Variants in DCC observed in about 807,000 individuals in gnomAD.
DCC encodes the protein DCC netrin 1 receptor.
Under a neutral mutation model 172.5 loss-of-function variants are expected in DCC, and 58 were observed. The ratio of observed to expected loss-of-function variants is 0.34; its 90% CI spans 0.27 to 0.42. The LOEUF (loss-of-function observed/expected upper bound fraction) is 0.42, where lower values mean the gene tolerates loss of function less well. DCC is among the 10% of genes least tolerant of loss of function. DCC has a pLI of 1.00. For missense variants in DCC, 1,740 were observed against 1,791.0 expected (o/e 0.97, Z 0.51); for synonymous variants, 709 against 644.5 (o/e 1.10, Z -1.52).
At chr18:52,938,545 T>C (rs1028179399) in intron 5 of DCC, among the ~76,000 whole-genome samples, 3 of 152,134 alleles carry the variant, frequency 2.0e-5, no homozygotes, top group African/African-American at 7.2e-5. Context: ...TCATTATTTA[T>C]ACCTTGCCAA....
chr18:52,709,558 G>A (rs1266457381), intron 1 of DCC, among the ~76,000 whole-genome samples: 1 of 152,142 alleles, frequency 6.6e-6, no homozygotes, highest in African/African-American at 2.4e-5. Context: ...GCTGGCCTGT[G>A]TGCTCTTCTT....
Position 52,938,983 on chromosome 18 carries a change from A to C in DCC, c.985+13613A>C, listed in dbSNP as rs1267717494. Among the ~76,000 whole-genome samples the C allele has an allele frequency of 5.3e-5, 8 of 152,110 alleles. 1 individual carries two copies. The East Asian group carries it at 1.4e-3, about 26-fold the overall frequency. On this transcript the variant is annotated intron_variant, in intron 5 of 28. Coordinates refer to ENST00000442544, the MANE Select transcript of DCC (RefSeq NM_005215.4). ...CATTTTCATCCAGTATGATCTTGTG[A>C]AGAGGTTAATCATGGGATGCACCTT...
chr18:53,116,306 T>C (rs1470409839), intron 7 of DCC, among the ~76,000 whole-genome samples: 2 of 151,690 alleles, frequency 1.3e-5, no homozygotes, highest in Non-Finnish European at 3.0e-5. Flanking sequence ...TTTTTGGGAG[T>C]TTAAATACCC....
At chr18:53,206,638 C>CAT (rs1467758070) in intron 10 of DCC, among the ~76,000 whole-genome samples, 1 of 132,378 alleles carries the variant, frequency 7.6e-6, no homozygotes, top group Non-Finnish European at 1.6e-5. Context: ...TATATGTATA[C>CAT]ATATATATAA....
At position 53,298,031 on chromosome 18, in the gene DCC, G is replaced by A. The variant is rs144390672; in HGVS notation, c.1912-7547G>A. ...GATTATATTAATTAATTGCTGCTTG[G>A]CATCGATATTAAGGTATTGGCTATG... On this transcript the variant is annotated intron_variant, in intron 12 of 28. Coordinates refer to ENST00000442544, the MANE Select transcript of DCC (RefSeq NM_005215.4). 5.4e-3 allele frequency among the ~76,000 whole-genome samples: 828 copies of A among 152,228 alleles called. 6 individuals carry two copies. Among genetic ancestry groups the A allele is most frequent in the Admixed American group, 0.023 (349 of 15,292 alleles).
At chr18:53,149,610 TAAAG>T (rs1376336166) in intron 7 of DCC, among the ~76,000 whole-genome samples, 3 of 152,180 alleles carry the variant, frequency 2.0e-5, no homozygotes, top group Non-Finnish European at 2.9e-5. Context: ...AACTTGGAAA[TAAAG>T]AAATTATTAA....
Position 53,535,354 on chromosome 18 carries a change from G to A in DCC, c.*4701G>A, listed in dbSNP as rs1598861201. The A allele has an allele frequency of 6.6e-6, 1 of 152,166 alleles. No homozygotes were observed. The highest frequency in any genetic ancestry group is 1.5e-5 in the Non-Finnish European group (1 of 68,026). The allele number at this position is 152,166 out of a possible 1,614,324, so 9.4% of individuals were successfully genotyped here. Reference sequence around the variant, plus strand: ...ATTGCTGAGTATGAAGAGATGTCCAGTCCAGGCAAAGCCTTCACTGAAGTT... The same window carrying A: ...ATTGCTGAGTATGAAGAGATGTCCAATCCAGGCAAAGCCTTCACTGAAGTT... On this transcript the variant is annotated 3_prime_UTR_variant, in exon 29 of 29. Coordinates refer to ENST00000442544, the MANE Select transcript of DCC (RefSeq NM_005215.4).
intron 7 of DCC, among the ~76,000 whole-genome samples, chr18:53,148,135 G>A (rs933501613): frequency 5.3e-5 from 8 of 152,138 alleles, no homozygotes; most frequent in African/African-American, 1.9e-4. Context: ...TACTTTAGTA[G>A]TGTCTCATAA....
At chr18:53,254,976 C>G (rs533988561) in intron 12 of DCC, among the ~76,000 whole-genome samples, 2 of 152,108 alleles carry the variant, frequency 1.3e-5, no homozygotes, top group African/African-American at 4.8e-5. Context: ...GAGCCCTGCC[C>G]TATTCTAGTC....
intron 2 of DCC, among the ~76,000 whole-genome samples, chr18:52,871,834 T>G (rs2039323873): frequency 6.6e-6 from 1 of 152,200 alleles, no homozygotes; most frequent in South Asian, 2.1e-4. Flanking sequence ...AGTTGCTACA[T>G]GGAAGATAAT....
At chr18:53,514,112 C>T (rs1297708975) in intron 27 of DCC, among the ~76,000 whole-genome samples, 2 of 152,218 alleles carry the variant, frequency 1.3e-5, no homozygotes. Context: ...GTGCAGACCA[C>T]AGTGCAATCA....
intron 5 of DCC, among the ~76,000 whole-genome samples, chr18:53,045,865 C>T (rs1466831650): frequency 6.6e-6 from 1 of 151,898 alleles, no homozygotes; most frequent in African/African-American, 2.4e-5. Context: ...AATCATTCCT[C>T]CTTGGCTTTT....
At chr18:52,468,591 T>C (rs1047994035) in intron 1 of DCC, among the ~76,000 whole-genome samples, 1 of 152,238 alleles carries the variant, frequency 6.6e-6, no homozygotes. Context: ...ATAGTTAATA[T>C]GTTTAGCAAT....
chr18:53,205,793 C>T (rs1397756873), intron 10 of DCC, among the ~76,000 whole-genome samples: 1 of 152,062 alleles, frequency 6.6e-6, no homozygotes, highest in East Asian at 1.9e-4. Flanking sequence ...CTTCCATCAT[C>T]AGGATGTGTC....
intron 1 of DCC, among the ~76,000 whole-genome samples, chr18:52,596,480 T>C (rs1401977720): frequency 4.6e-5 from 7 of 152,180 alleles, no homozygotes; most frequent in Non-Finnish European, 8.8e-5. Context: ...CACTAGGAGC[T>C]GGCTAGAAAT....
At chr18:53,295,096 T>G (rs1598993091) in intron 12 of DCC, among the ~76,000 whole-genome samples, 1 of 152,192 alleles carries the variant, frequency 6.6e-6, no homozygotes, top group Non-Finnish European at 1.5e-5. Flanking sequence ...ACTTTATTAC[T>G]GCACAAATAT....
At chr18:53,255,663 C>A (rs895589363) in intron 12 of DCC, among the ~76,000 whole-genome samples, 2 of 151,996 alleles carry the variant, frequency 1.3e-5, no homozygotes, top group African/African-American at 2.4e-5. Flanking sequence ...GGAATAGTGC[C>A]GCAGTAAACA....
intron 1 of DCC, among the ~76,000 whole-genome samples, chr18:52,554,075 ATGGT>A (rs746942458): frequency 1.3e-5 from 2 of 152,068 alleles, no homozygotes; most frequent in Non-Finnish European, 2.9e-5. Flanking sequence ...TAGGTCAAAG[ATGGT>A]TGTATTAAGT....
chr18:53,072,369 G>A (rs1422826065), intron 7 of DCC, among the ~76,000 whole-genome samples: 3 of 152,184 alleles, frequency 2.0e-5, no homozygotes, highest in African/African-American at 7.2e-5. Context: ...GGGAGCAGGA[G>A]ATGGGGAGCA....
Sources: allele counts gnomAD v4.1 joint callset (sites outside exome capture counted in the v4.1 genomes callset), GRCh38; gene constraint gnomAD v4.1.1; transcripts MANE v1.5; gene names NCBI Gene and HGNC (gene_info 2026-07-23, HGNC 2026-07-21).